Variants in ZNF469 observed in about 807,000 individuals in gnomAD.
The protein encoded by ZNF469 is zinc finger protein 469.
ZNF469 carries 1 observed loss-of-function variant against 1.0 expected under a neutral mutation model. The ratio of observed to expected loss-of-function variants is 1.00; its 90% CI spans 0.35 to 4.73. The LOEUF (loss-of-function observed/expected upper bound fraction) is 4.73, where lower values mean the gene tolerates loss of function less well. Ranked by LOEUF, ZNF469 falls within the 30% of genes most tolerant of loss-of-function variation. ZNF469 has a pLI of 0.16. For missense variants in ZNF469, 6,100 were observed against 5,356.3 expected (o/e 1.14, Z -4.33); for synonymous variants, 2,703 against 2,363.4 (o/e 1.14, Z -4.17).
the ZNF469 span, among the ~76,000 whole-genome samples, chr16:88,306,784 C>T: frequency 1.3e-5 from 2 of 152,192 alleles, no homozygotes; most frequent in Admixed American, 6.5e-5. Context: ...CTTCCCTGTC[C>T]CCGCTTCTAC....
At chr16:88,353,383 A>C in the ZNF469 span, among the ~76,000 whole-genome samples, 1 of 152,118 alleles carries the variant, frequency 6.6e-6, no homozygotes. Context: ...CATGCCAATG[A>C]CAAGAGGCCT....
the ZNF469 span, among the ~76,000 whole-genome samples, chr16:88,280,021 C>T: frequency 6.6e-6 from 1 of 151,246 alleles, no homozygotes; most frequent in Non-Finnish European, 1.5e-5. Context: ...CATGCTGACA[C>T]TCAGTCAGTA....
the ZNF469 span, among the ~76,000 whole-genome samples, chr16:88,155,211 G>T: frequency 6.6e-6 from 1 of 152,248 alleles, no homozygotes; most frequent in Non-Finnish European, 1.5e-5. Flanking sequence ...TGCAAGTGCC[G>T]GCCCACAGGG....
the ZNF469 span, among the ~76,000 whole-genome samples, chr16:88,173,301 G>A: frequency 6.6e-6 from 1 of 152,230 alleles, no homozygotes; most frequent in African/African-American, 2.4e-5. Context: ...CAAGCCAGAA[G>A]GCCATGGGAA....
At chr16:88,426,167 G>A (rs1249052877) in intron 2 of ZNF469, among the ~76,000 whole-genome samples, 2 of 152,242 alleles carry the variant, frequency 1.3e-5, no homozygotes, top group Admixed American at 1.3e-4. Flanking sequence ...GAGGCAGCAG[G>A]GTCTCTGAGA....
chr16:88,322,360 G>A, the ZNF469 span, among the ~76,000 whole-genome samples: 9,055 of 152,318 alleles, frequency 0.059, 298 homozygotes, highest in Middle Eastern at 0.071. Context: ...AGGCGGCTGC[G>A]AGGCTGGGAG....
chr16:88,251,513 G>A, the ZNF469 span, among the ~76,000 whole-genome samples: 1 of 134,856 alleles, frequency 7.4e-6, no homozygotes, highest in Non-Finnish European at 1.5e-5. Context: ...CCATCTCTGT[G>A]GTAAGCAGCT....
chr16:88,259,439 T>C, the ZNF469 span, among the ~76,000 whole-genome samples: 1 of 152,172 alleles, frequency 6.6e-6, no homozygotes, highest in African/African-American at 2.4e-5. This position sits in a 1 kb window ranked among gnomAD's most constrained non-coding sequence, Gnocchi z 4.1. Flanking sequence ...TTTTCCACTT[T>C]GGGGCCTTTG....
chr16:88,181,922 A>T, the ZNF469 span, among the ~76,000 whole-genome samples: 3 of 152,368 alleles, frequency 2.0e-5, no homozygotes, highest in East Asian at 5.8e-4. Flanking sequence ...AGGCATGCAG[A>T]TTGGAAATAA....
At chr16:88,409,861 T>TTGG (rs1463621486) in intron 1 of ZNF469, among the ~76,000 whole-genome samples, 251 of 9,154 alleles carry the variant, frequency 0.027, 2 homozygotes, top group African/African-American at 0.091. Flanking sequence ...GGTGGCCATC[T>TTGG]TGGCCGGGGG....
the ZNF469 span, among the ~76,000 whole-genome samples, chr16:88,281,587 G>A: frequency 8.9e-4 from 131 of 147,874 alleles, no homozygotes; most frequent in African/African-American, 2.8e-3. Flanking sequence ...GGTCAGTACC[G>A]TGTCAATTTT....
the ZNF469 span, among the ~76,000 whole-genome samples, chr16:88,329,011 A>G: frequency 1.3e-5 from 2 of 152,196 alleles, no homozygotes; most frequent in African/African-American, 4.8e-5. Flanking sequence ...GGAGTCCTTC[A>G]AAGAAAACCC....
At chr16:88,267,872 G>A in the ZNF469 span, among the ~76,000 whole-genome samples, 8 of 152,162 alleles carry the variant, frequency 5.3e-5, no homozygotes, top group Admixed American at 1.3e-4. Flanking sequence ...TGGCACTGCC[G>A]GGTCCTGAGT....
At chr16:88,357,042 G>A in the ZNF469 span, among the ~76,000 whole-genome samples, 222 of 152,348 alleles carry the variant, frequency 1.5e-3, 1 homozygote, top group African/African-American at 5.2e-3. Flanking sequence ...GGCCAGCCCC[G>A]GTTACGGGTC....
chr16:88,343,704 T>C, the ZNF469 span, among the ~76,000 whole-genome samples: 2 of 152,052 alleles, frequency 1.3e-5, no homozygotes, highest in Non-Finnish European at 1.5e-5. Context: ...CTCCTTCTTA[T>C]GAAGCCACTA....
chr16:88,383,121 G>C lies in ZNF469; in HGVS notation c.-325G>C, dbSNP rs975994724. Among the ~76,000 whole-genome samples the C allele has an allele frequency of 2.0e-5, 3 of 149,078 alleles. No homozygotes were observed. Among genetic ancestry groups the C allele is most frequent in the Non-Finnish European group, 4.5e-5 (3 of 66,812 alleles). ...CGCGCGGCAGAGCGGCTCGGTGCCCGGCGGGCGGGCGGCCCGGGCGGGCCT... is the reference window on the plus strand; with the variant it reads ...CGCGCGGCAGAGCGGCTCGGTGCCCCGCGGGCGGGCGGCCCGGGCGGGCCT... On this transcript the variant is annotated 5_prime_UTR_variant, in exon 1 of 3. Coordinates refer to ENST00000565624, the MANE Select transcript of ZNF469 (RefSeq NM_001367624.2).
intron 1 of ZNF469, among the ~76,000 whole-genome samples, chr16:88,410,034 TCAGAG>T (rs1905108112): frequency 6.7e-6 from 1 of 148,764 alleles, no homozygotes; most frequent in Admixed American, 6.7e-5. Flanking sequence ...GTCAGGGGGT[TCAGAG>T]CAGATACTGG....
the ZNF469 span, among the ~76,000 whole-genome samples, chr16:88,376,572 G>A: frequency 1.5e-3 from 226 of 152,342 alleles, 1 homozygote; most frequent in South Asian, 0.01. Context: ...TCCCGCGGCC[G>A]GCCGGTCTCC....
the ZNF469 span, among the ~76,000 whole-genome samples, chr16:88,126,179 A>T: frequency 8.7e-6 from 1 of 115,568 alleles, no homozygotes; most frequent in Non-Finnish European, 1.7e-5. Context: ...ACAGAGTGAG[A>T]CTCCATCCCA....
Sources: gnomAD v4.1 joint callset for allele counts (sites outside exome capture counted in the v4.1 genomes callset) on GRCh38, gnomAD v4.1.1 for gene constraint, Gnocchi (gnomAD v3.1) non-coding constraint, MANE v1.5 for transcripts, NCBI Gene and HGNC (gene_info 2026-07-23, HGNC 2026-07-21) for gene names.